ATP5ME: variants seen among roughly 807,000 people sequenced by gnomAD.
The protein encoded by ATP5ME is ATP synthase membrane subunit e, also known as ATP synthase F(0) complex subunit e, mitochondrial.
Under a neutral mutation model 11.6 loss-of-function variants are expected in ATP5ME, and 10 were observed. The ratio of observed to expected loss-of-function variants is 0.86; its 90% confidence interval spans 0.53 to 1.46. ATP5ME has a LOEUF of 1.46. Among genes scored for constraint, ATP5ME ranks in the 40% most tolerant of loss-of-function variants. ATP5ME has a pLI of 0.00. For synonymous variants in ATP5ME, 45 were observed against 33.5 expected (o/e 1.34, Z -1.19); for missense variants, 115 against 85.4 (o/e 1.35, Z -1.37).
intron 2 of ATP5ME, 83 bp from the exon 3 acceptor site, chr4:673,484 G>T: frequency 6.2e-7 from 1 of 1,603,512 alleles, no homozygotes; most frequent in East Asian, 2.2e-5. Flanking sequence ...GGTATCTTCA[G>T]CGACGCTGTA....
intron 3 of ATP5ME, 44 bp from the exon 4 acceptor site, chr4:672,563 G>A (rs746139914): frequency 1.2e-6 from 2 of 1,608,048 alleles, no homozygotes; most frequent in South Asian, 1.1e-5. Flanking sequence ...TACCACTCAG[G>A]CAACCTAAAA....
rs1174633256 is a variant in ATP5ME, at chr4:673,340, C to G, written c.153G>C (p.Gln51His). 1.2e-6 allele frequency: 2 copies of G among 1,614,218 alleles called. No homozygotes were observed. Among genetic ancestry groups the G allele is most frequent in the South Asian group, 1.1e-5 (1 of 91,086 alleles). Reference protein sequence around the residue: ...RRIAAEEKKKQDELKRIAREL... With the variant: ...RRIAAEEKKKHDELKRIAREL... Reference sequence around the variant, plus strand: ...CTCTGGCAATCCGTTTCAGTTCATCCTGCTTCTTCTTCTCTTCTGCTGCTA... The same window carrying G: ...CTCTGGCAATCCGTTTCAGTTCATCGTGCTTCTTCTTCTCTTCTGCTGCTA... The change falls in exon 3 of 4, where the codon CAG becomes CAC. Residue 51 changes from glutamine to histidine, a missense_variant. Physicochemically the swap from Gln to His is conservative, Grantham distance 24. Transcript: ENST00000304312.
chr4:674,056 G>T, intron 1 of ATP5ME, 90 bp from the exon 2 acceptor site: 1 of 1,489,648 alleles, frequency 6.7e-7, no homozygotes. Flanking sequence ...CTGGGCAGAG[G>T]TCGCAGGAGG....
At position 673,346 on chromosome 4, in the gene ATP5ME, C is replaced by T. The variant is rs774192635; in HGVS notation, c.147G>A (p.Lys49=). ...EERRIAAEEK[K]KQDELKRIAR... ...CAATCCGTTTCAGTTCATCCTGCTT[C>T]TTCTTCTCTTCTGCTGCTATCCTCC... is the stretch of plus-strand genomic sequence containing the variant. The change falls in exon 3 of 4, where the codon AAG becomes AAA. Residue 49 remains lysine, a synonymous_variant. Transcript: ENST00000304312. The T allele has an allele frequency of 5.6e-6, 9 of 1,614,094 alleles. No homozygotes were observed. Among genetic ancestry groups the T allele is most frequent in the Non-Finnish European group, 6.8e-6 (8 of 1,180,026 alleles).
At chr4:673,611 C>T in intron 2 of ATP5ME, 1 of 853,856 alleles carries the variant, frequency 1.2e-6, no homozygotes, top group Non-Finnish European at 1.8e-6. Flanking sequence ...CGCTCACGCA[C>T]TGGCTCACTC....
chr4:674,184 T>G, intron 1 of ATP5ME, 28 bp downstream of exon 1: 2 of 1,609,102 alleles, frequency 1.2e-6, no homozygotes, highest in Non-Finnish European at 1.7e-6. Context: ...CCCAGAGCAC[T>G]GGGCGGCGGC....
chr4:674,111 TGGGGGCG>T, intron 1 of ATP5ME, 94 bp downstream of exon 1: 1 of 322,228 alleles, frequency 3.1e-6, no homozygotes, highest in Non-Finnish European at 4.2e-6. Flanking sequence ...GCGAGGATCA[TGGGGGCG>T]GGGGCCGGGG....
intron 1 of ATP5ME, 77 bp downstream of exon 1, chr4:674,135 G>T: frequency 1.9e-6 from 2 of 1,061,746 alleles, no homozygotes; most frequent in South Asian, 1.8e-5. Flanking sequence ...GGGGGTCGCA[G>T]CCCGCGGGGT....
Position 672,627 on chromosome 4 carries a change from G to T in ATP5ME, c.191-108C>A, listed in dbSNP as rs536144811. The T allele has an allele frequency of 4.2e-5, 53 of 1,252,138 alleles. No individual in the cohort carries two copies. The Admixed American group carries it at 1.2e-3, about 29-fold the overall frequency. The allele number at this position is 1,252,138 out of a possible 1,614,324, so 77.6% of individuals were successfully genotyped here. ...TTTTTTTTTTTTTTTGTTTTGAGACGGAGTCTCGCTCTGTCACCCAATGGC... is the reference window on the plus strand; with the variant it reads ...TTTTTTTTTTTTTTTGTTTTGAGACTGAGTCTCGCTCTGTCACCCAATGGC... On this transcript the variant is annotated intron_variant, in intron 3 of 3. Transcript: ENST00000304312.
In ATP5ME at chr4:673,951, C is replaced by T. The variant is rs778576695; in HGVS notation, c.52G>A (p.Ala18Thr). ...CCGTAGGCCACACCGAGGAACAGGG[C>T]GGAGTAGCGGCCGAGCTGCGAAAGA... ...SPLIKLGRYS[A>T]LFLGVAYGAT... Residue 18 changes from alanine (A) to threonine (T), a missense_variant, in exon 2 of 4, where the codon GCC becomes ACC. Ala to Thr is a moderately conservative substitution (Grantham distance 58). Coordinates refer to ENST00000304312, the MANE Select transcript of ATP5ME (RefSeq NM_007100.4). The T allele has an allele frequency of 1.9e-6, 3 of 1,545,626 alleles. No individual in the cohort carries two copies. The highest frequency in any genetic ancestry group is 2.6e-6 in the Non-Finnish European group (3 of 1,146,798).
chr4:673,769 G>C, intron 2 of ATP5ME, 143 bp downstream of exon 2: 2 of 1,205,608 alleles, frequency 1.7e-6, no homozygotes, highest in Non-Finnish European at 2.4e-6. Flanking sequence ...TCCACTATCG[G>C]GGTCACGCTC....
intron 2 of ATP5ME, chr4:673,609 C>G (rs28525003): frequency 0.12 from 102,715 of 864,910 alleles, 6,608 homozygotes; most frequent in Middle Eastern, 0.14. Context: ...CCCGCTCACG[C>G]ACTGGCTCAC....
At position 673,939 on chromosome 4, in the gene ATP5ME, C is replaced by G; in HGVS notation, c.64G>C (p.Gly22Arg). ...KLGRYSALFL[G>R]VAYGATRYNY... ...TAGCGCGTGGCTCCGTAGGCCACAC[C>G]GAGGAACAGGGCGGAGTAGCGGCCG... The change falls in exon 2 of 4, where the codon GGT becomes CGT. Residue 22 changes from glycine (G) to arginine (R), a missense_variant. Transcript: ENST00000304312. 3 of 1,546,130 alleles carry G rather than the reference C, an allele frequency of 1.9e-6. No homozygotes were observed. Among genetic ancestry groups the G allele is most frequent in the Non-Finnish European group, 2.6e-6 (3 of 1,146,834 alleles).
chr4:673,997 A>T (rs1382296763), intron 1 of ATP5ME, 31 bp from the exon 2 acceptor site: 10 of 1,541,240 alleles, frequency 6.5e-6, no homozygotes, highest in Non-Finnish European at 8.7e-6. Context: ...AGGCGGCGCG[A>T]AACGGGGCTC....
rs1403962219 is a variant in ATP5ME, at chr4:672,605, T to TG, written c.191-87_191-86insC. On this transcript the variant is annotated intron_variant, in intron 3 of 3. Coordinates refer to ENST00000304312, the MANE Select transcript of ATP5ME (RefSeq NM_007100.4). ...CTTCAGCTTCCCAGTTATTTTTTTT[T>TG]TTTTTTTTTTTGTTTTGAGACGGAG... The TG allele has an allele frequency of 1.3e-4, 191 of 1,486,286 alleles. 4 individuals are homozygous for TG. The African/African-American group carries it at 2.1e-3, about 17-fold the overall frequency. 92.1% of individuals were successfully genotyped at this position (1,486,286 alleles called of 1,614,324 possible).
intron 2 of ATP5ME, 162 bp downstream of exon 2, chr4:673,750 T>G (rs1738641563): frequency 9.1e-6 from 10 of 1,097,024 alleles, no homozygotes; most frequent in Non-Finnish European, 1.3e-5. Context: ...GAGCTTTGGG[T>G]GAGCTGATTC....
intron 3 of ATP5ME, among the ~76,000 whole-genome samples, chr4:673,056 C>T (rs975182505): frequency 6.6e-6 from 1 of 152,242 alleles, no homozygotes; most frequent in African/African-American, 2.4e-5. Context: ...CCATGCCCGG[C>T]TAATTTTTGT....
chr4:673,805 C>T, intron 2 of ATP5ME, 107 bp downstream of exon 2: 1 of 1,406,310 alleles, frequency 7.1e-7, no homozygotes, highest in East Asian at 2.5e-5. Context: ...CCTGCAGCCT[C>T]GCATGCGTCC....
intron 2 of ATP5ME, chr4:673,676 T>G: frequency 2.6e-6 from 2 of 764,138 alleles, no homozygotes; most frequent in Non-Finnish European, 4.2e-6. Flanking sequence ...CGAACAGCCA[T>G]TTAGCACCCG....
Sources: allele counts gnomAD v4.1 joint callset (sites outside exome capture counted in the v4.1 genomes callset), GRCh38; gene constraint gnomAD v4.1.1; transcripts MANE v1.5; gene names NCBI Gene and HGNC (gene_info 2026-07-23, HGNC 2026-07-21).